The following TAPBPL variants were observed in gnomAD, a reference collection of about 807,000 sequenced individuals.
The protein encoded by TAPBPL is TAP binding protein like, also known as tapasin-related protein.
Under a neutral mutation model 44.8 loss-of-function variants are expected in TAPBPL, and 32 were observed. The ratio of observed to expected loss-of-function variants is 0.71; its 90% CI spans 0.54 to 0.96. The LOEUF (loss-of-function observed/expected upper bound fraction) is 0.96, where lower values mean the gene tolerates loss of function less well. TAPBPL is among the 40% of genes least tolerant of loss of function. The pLI is 0.00. For missense variants in TAPBPL, 520 were observed against 586.6 expected, an observed-to-expected ratio of 0.89 and a Z score of 1.17; for synonymous variants, 230 against 240.7, an observed-to-expected ratio of 0.96 and a Z score of 0.41.
downstream of TAPBPL, chr12:6,463,862 A>G (rs568498243): frequency 1.7e-5 from 22 of 1,262,062 alleles, no homozygotes; most frequent in Non-Finnish European, 2.2e-5. This position sits in a 1 kb window ranked among gnomAD's most constrained non-coding sequence, Gnocchi z 4.0. Flanking sequence ...AGATCCCCAA[A>G]GACACGGAAA....
chr12:6,461,653 C>T (rs989004730), intron 6 of TAPBPL, among the ~76,000 whole-genome samples: 5 of 152,228 alleles, frequency 3.3e-5, no homozygotes, highest in African/African-American at 9.6e-5. Flanking sequence ...GAGGCACCCC[C>T]GTGGCTCCAT....
chr12:6,459,789 G>A (rs1222967239), intron 5 of TAPBPL, among the ~76,000 whole-genome samples: 2 of 147,736 alleles, frequency 1.4e-5, no homozygotes, highest in African/African-American at 2.5e-5. Context: ...ACTTTTTTTC[G>A]ATACAGAATC....
downstream of TAPBPL, chr12:6,464,236 G>A (rs921362041): frequency 6.6e-7 from 1 of 1,518,854 alleles, no homozygotes; most frequent in African/African-American, 1.4e-5. Flanking sequence ...AGCAGGCAGG[G>A]AGGAGGCGCC....
intron 3 of TAPBPL, among the ~76,000 whole-genome samples, chr12:6,456,303 C>T (rs1015397705): frequency 6.6e-6 from 1 of 151,822 alleles, no homozygotes; most frequent in Non-Finnish European, 1.5e-5. Flanking sequence ...GATTGTTTTC[C>T]TCATTTCCTC....
At chr12:6,462,619 G>T, downstream of TAPBPL, 1 of 619,232 alleles carries the variant, frequency 1.6e-6, no homozygotes. Context: ...TACACCTGGT[G>T]AGCCTCAGAG....
downstream of TAPBPL, chr12:6,464,557 C>T: frequency 6.8e-7 from 1 of 1,465,054 alleles, no homozygotes; most frequent in Non-Finnish European, 9.0e-7. Flanking sequence ...GGGTGAATTA[C>T]ACCAAGTTAC....
downstream of TAPBPL, chr12:6,465,401 A>AATGTACATATATATATAC (rs1949988992): frequency 3.0e-5 from 2 of 67,590 alleles, no homozygotes; most frequent in African/African-American, 9.2e-5. Context: ...TATATATATA[A>AATGTACATATATATATAC]ATGTATATAT....
chr12:6,452,732 CCT>C (rs1318880003), intron 1 of TAPBPL: 1 of 652,872 alleles, frequency 1.5e-6, no homozygotes, highest in Non-Finnish European at 2.3e-6. Flanking sequence ...TGTCCAGTCT[CCT>C]CTCTCTGCGG....
chr12:6,465,372 A>ACGT (rs56993379), downstream of TAPBPL: 1 of 111,902 alleles, frequency 8.9e-6, no homozygotes, highest in South Asian at 1.1e-4. Flanking sequence ...ATATATATAT[A>ACGT]AATGTATATA....
Position 6,453,668 on chromosome 12 carries a change from C to G in TAPBPL, c.517C>G (p.Pro173Ala), listed in dbSNP as rs1449934331. The change falls in exon 3 of 7, where the codon CCG (proline) becomes GCG (alanine). Residue 173 changes from proline (P) to alanine (A), a missense_variant. Pro to Ala is a conservative substitution (Grantham distance 27). Transcript: ENST00000266556. The surrounding 1 kb of genome is among the most constrained non-coding windows in gnomAD (Gnocchi z 4.8). ...RVTKNEALWH[P>A]TLNLPLSPQG... The stretch of plus-strand genomic sequence containing the variant: ...CACCAAGAATGAGGCGCTCTGGCAC[C>G]CGACGCTGAACTTGCCACTGAGCCC... 1.2e-6 allele frequency: 2 copies of G among 1,613,342 alleles called. No homozygotes were observed. Among genetic ancestry groups the G allele is most frequent in the South Asian group, 2.2e-5 (2 of 91,030 alleles).
At chr12:6,470,401 C>T (rs1945743223), downstream of TAPBPL, 3 of 1,423,702 alleles carry the variant, frequency 2.1e-6, no homozygotes, top group Middle Eastern at 1.8e-4. Flanking sequence ...GGTCCGGAAG[C>T]GGCGCGCGGT....
downstream of TAPBPL, chr12:6,465,194 G>A (rs538256036): frequency 1.8e-5 from 9 of 511,910 alleles, no homozygotes; most frequent in Non-Finnish European, 3.2e-5. Flanking sequence ...AGTTCCTGGT[G>A]TCTTGGGGCT....
Position 6,453,035 on chromosome 12 carries a change from A to G in TAPBPL, c.65-32A>G. 1 of 1,544,062 alleles carries G rather than the reference A, an allele frequency of 6.5e-7. No homozygotes were observed. The highest frequency in any genetic ancestry group is 2.4e-5 in the East Asian group (1 of 41,836). On this transcript the variant is annotated intron_variant, in intron 1 of 6. Transcript: ENST00000266556. This position sits in a 1 kb window ranked among gnomAD's most constrained non-coding sequence, Gnocchi z 4.8. ...GCAAGTGTGGAGTAGCTTTCTGGGG[A>G]AGGCGGTGCTCACCCCAGCCTTTGT...
At chr12:6,455,794 T>G (rs1949689993) in intron 3 of TAPBPL, among the ~76,000 whole-genome samples, 1 of 144,890 alleles carries the variant, frequency 6.9e-6, no homozygotes, top group Admixed American at 7.1e-5. Flanking sequence ...ACAGTCTCAT[T>G]CTGTCTCCCA....
intron 3 of TAPBPL, among the ~76,000 whole-genome samples, chr12:6,456,792 A>G (rs1376696835): frequency 6.6e-6 from 1 of 152,078 alleles, no homozygotes; most frequent in Non-Finnish European, 1.5e-5. Flanking sequence ...AGCTGGAATT[A>G]CAGGCACCTG....
At chr12:6,471,174 G>C (rs1565530531), downstream of TAPBPL, among the ~76,000 whole-genome samples, 2 of 152,202 alleles carry the variant, frequency 1.3e-5, no homozygotes, top group Non-Finnish European at 2.9e-5. The surrounding 1 kb of genome is among the most constrained non-coding windows in gnomAD (Gnocchi z 4.0). Flanking sequence ...GGGTGCAGGA[G>C]CCTCGAGACA....
chr12:6,462,709 C>T (rs536497006), downstream of TAPBPL: 637 of 1,055,270 alleles, frequency 6.0e-4, 3 homozygotes, highest in Non-Finnish European at 7.0e-4. Flanking sequence ...TGGGACACAT[C>T]GAGGACAGTG....
chr12:6,456,710 T>C (rs60115620), intron 3 of TAPBPL, among the ~76,000 whole-genome samples: 4,175 of 152,116 alleles, frequency 0.027, 115 homozygotes, highest in African/African-American at 0.066. Flanking sequence ...TGGAGTGCAA[T>C]GGCGCGATCT....
chr12:6,452,583 G>T, intron 1 of TAPBPL: 1 of 1,355,272 alleles, frequency 7.4e-7, no homozygotes, highest in Admixed American at 3.5e-5. Flanking sequence ...GCACTGGCCT[G>T]GGAGCTGACA....
Sources: allele counts gnomAD v4.1 joint callset (sites outside exome capture counted in the v4.1 genomes callset), GRCh38; gene constraint gnomAD v4.1.1; non-coding constraint Gnocchi (gnomAD v3.1); transcripts MANE v1.5; gene names NCBI Gene and HGNC (gene_info 2026-07-23, HGNC 2026-07-21).